CCT6A: variants seen among roughly 807,000 people sequenced by gnomAD.
CCT6A encodes the protein chaperonin containing TCP1 subunit 6A, also known as T-complex protein 1 subunit zeta.
In CCT6A, 6 loss-of-function variants were observed where a neutral mutation model predicts 58.6. The ratio of observed to expected loss-of-function variants is 0.10; its 90% CI spans 0.06 to 0.20. CCT6A has a LOEUF of 0.20. CCT6A is among the 10% of genes least tolerant of loss of function. CCT6A has a pLI of 1.00. For synonymous variants in CCT6A, 245 were observed against 227.8 expected (o/e 1.08, Z -0.68); for missense variants, 516 against 648.8 (o/e 0.80, Z 2.22).
At chr7:56,053,773 T>G (rs1168793304) in intron 2 of CCT6A, among the ~76,000 whole-genome samples, 3 of 151,962 alleles carry the variant, frequency 2.0e-5, no homozygotes, top group Admixed American at 6.6e-5. Context: ...AAACAAAAAA[T>G]TATTTGGGTT....
At position 56,063,056 on chromosome 7, in the gene CCT6A, C is replaced by G; in HGVS notation, c.1567C>G (p.Arg523Gly). 1 of 1,612,014 alleles carries G rather than the reference C, an allele frequency of 6.2e-7. No homozygotes were observed. The highest frequency in any genetic ancestry group is 8.5e-7 in the Non-Finnish European group (1 of 1,178,114). ...TNILLVDEIMRAGMSSLKG is the reference protein window; with the variant it reads ...TNILLVDEIMGAGMSSLKG ...CATTCTCTTGGTTGATGAGATCATG[C>G]GAGCTGGAATGTCTTCTCTGAAAGG... The change falls in exon 14 of 14, where the codon CGA (arginine) becomes GGA (glycine). Residue 523 changes from arginine (R) to glycine (G), a missense_variant. Transcript: ENST00000275603.
In CCT6A at chr7:56,060,885, G is replaced by A; in HGVS notation, c.1292G>A (p.Gly431Asp). ...ATTAAACATAAGCCCAGTGTAAAGG[G>A]CAGGGCACAGCTTGGAGTCCAAGCA... ...ALIKHKPSVK[G>D]RAQLGVQAFA... Residue 431 changes from glycine to aspartate, a missense_variant, in exon 11 of 14, where the codon GGC becomes GAC. Physicochemically the swap from Gly to Asp is moderately conservative, Grantham distance 94. Coordinates refer to ENST00000275603, the MANE Select transcript of CCT6A (RefSeq NM_001762.4). 1 of 1,613,722 alleles carries A rather than the reference G, an allele frequency of 6.2e-7. No individual in the cohort carries two copies. Among genetic ancestry groups the A allele is most frequent in the Non-Finnish European group, 8.5e-7 (1 of 1,179,920 alleles).
chr7:56,053,512 C>A (rs1252366634), intron 2 of CCT6A, among the ~76,000 whole-genome samples: 1 of 152,074 alleles, frequency 6.6e-6, no homozygotes, highest in Non-Finnish European at 1.5e-5. Context: ...AGCACTTTGG[C>A]AGGCCAAGGT....
At position 56,062,695 on chromosome 7, in the gene CCT6A, T is replaced by G. The variant is rs1328219459; in HGVS notation, c.1463T>G (p.Val488Gly). ...GGTTGCCTTTTAGGTGAGCCAATGG[T>G]GGCAGCAGAAGTAGGCGTATGGGAT... ...GVDLNTGEPM[V>G]AAEVGVWDNY... The change falls in exon 13 of 14, where the codon GTG (valine) becomes GGG (glycine). Residue 488 changes from valine (V) to glycine (G), a missense_variant. Physicochemically the swap from Val to Gly is moderately radical, Grantham distance 109. Around this residue, in one of 3 missense-constraint regions of CCT6A, gnomAD observed 315 missense variants for 389.4 expected, o/e 0.81. Transcript: ENST00000275603. 6.2e-7 allele frequency: 1 copy of G among 1,614,046 alleles called. No homozygotes were observed. Among genetic ancestry groups the G allele is most frequent in the Non-Finnish European group, 8.5e-7 (1 of 1,179,910 alleles).
chr7:56,056,725 T>TA (rs1021239000), intron 5 of CCT6A, among the ~76,000 whole-genome samples: 123 of 141,852 alleles, frequency 8.7e-4, no homozygotes, highest in East Asian at 1.8e-3. Context: ...CCCGTCCCAT[T>TA]AAAAAAAAAA....
intron 3 of CCT6A, among the ~76,000 whole-genome samples, chr7:56,054,722 A>G (rs13241227): frequency 0.044 from 6,640 of 152,210 alleles, 264 homozygotes; most frequent in East Asian, 0.2. Flanking sequence ...TGCATTGCCT[A>G]TGTGATTTGC....
At chr7:56,054,763 A>T (rs1171854609) in intron 3 of CCT6A, among the ~76,000 whole-genome samples, 1 of 151,936 alleles carries the variant, frequency 6.6e-6, no homozygotes, top group Non-Finnish European at 1.5e-5. Flanking sequence ...AATAATTGAG[A>T]TCTAAAAATG....
Position 56,063,092 on chromosome 7 carries a change from G to GCTTC in CCT6A, c.*10_*13dup, listed in dbSNP as rs1794508271. The GCTTC allele has an allele frequency of 6.3e-7, 1 of 1,576,548 alleles. No homozygotes were observed. Among genetic ancestry groups the GCTTC allele is most frequent in the African/African-American group, 1.3e-5 (1 of 74,182 alleles). ...GTCTTCTCTGAAAGGTTGAATTGAA[G>GCTTC]CTTCCTCTGTATCTGAATCTTGAAG... On this transcript the variant is annotated 3_prime_UTR_variant, in exon 14 of 14. Transcript: ENST00000275603.
intron 11 of CCT6A, 107 bp downstream of exon 11, chr7:56,061,047 C>T (rs1794420900): frequency 3.1e-6 from 4 of 1,280,978 alleles, no homozygotes; most frequent in African/African-American, 3.0e-5. Context: ...CAAGTTTGAT[C>T]AGTTTTCTTT....
chr7:56,062,401 T>G (rs1341005483), intron 12 of CCT6A, among the ~76,000 whole-genome samples: 1 of 152,210 alleles, frequency 6.6e-6, no homozygotes, highest in Non-Finnish European at 1.5e-5. Context: ...GATCAGTCCA[T>G]TTTAGTCAGA....
intron 9 of CCT6A, 102 bp downstream of exon 9, chr7:56,059,742 G>GAGAC: frequency 1.5e-6 from 1 of 650,970 alleles, no homozygotes; most frequent in South Asian, 1.7e-5. Flanking sequence ...GGGCTGGAGT[G>GAGAC]CAGTGGTGTG....
At chr7:56,054,601 C>A in intron 3 of CCT6A, 98 bp downstream of exon 3, 1 of 1,207,210 alleles carries the variant, frequency 8.3e-7, no homozygotes, top group Admixed American at 2.1e-5. Flanking sequence ...TGAGGTCATA[C>A]AGTAGAATTA....
rs1015091404 is a variant in CCT6A at position 56,051,806 on chromosome 7, C to T, written c.-43C>T. The T allele has an allele frequency of 1.5e-5, 23 of 1,543,078 alleles. No individual in the cohort carries two copies. The highest frequency in any genetic ancestry group is 1.8e-5 in the Non-Finnish European group (21 of 1,144,310). The stretch of plus-strand genomic sequence containing the variant: ...TCCTCCCGGCCACGCCGCGCCGGCT[C>T]TGGGCACTCAGCATCGTTTCCTTTT... On this transcript the variant is annotated 5_prime_UTR_variant, in exon 1 of 14. Transcript: ENST00000275603.
chr7:56,059,528 T>A lies in CCT6A; in HGVS notation c.969-16T>A. On this transcript the variant is annotated splice_polypyrimidine_tract_variant and intron_variant, in intron 8 of 13. Transcript: ENST00000275603. The stretch of plus-strand genomic sequence containing the variant: ...GGTAACGTTGCTTATCCATCTCCCT[T>A]AAAATGCTATTTCAGGCTGACTCTT... 1 of 1,467,038 alleles carries A rather than the reference T, an allele frequency of 6.8e-7. No individual in the cohort carries two copies. The highest frequency in any genetic ancestry group is 9.6e-7 in the Non-Finnish European group (1 of 1,045,902). 90.9% of individuals were successfully genotyped at this position (1,467,038 alleles called of 1,614,324 possible). A position where few individuals can be genotyped will look rare whatever the true frequency, so the allele number is the denominator to read the frequency against.
At chr7:56,054,191 G>T (rs774930104) in intron 2 of CCT6A, among the ~76,000 whole-genome samples, 178 bp from the exon 3 acceptor site, 4 of 152,204 alleles carry the variant, frequency 2.6e-5, no homozygotes, top group Non-Finnish European at 5.9e-5. Flanking sequence ...TACACATGAA[G>T]ACGTTTCAAT....
At position 56,060,322 on chromosome 7, in the gene CCT6A, A is replaced by G. The variant is rs1794405931; in HGVS notation, c.1119A>G (p.Thr373=). The G allele has an allele frequency of 6.2e-7, 1 of 1,613,996 alleles. No homozygotes were observed. The highest frequency in any genetic ancestry group is 8.5e-7 in the Non-Finnish European group (1 of 1,179,836). ...AATGTAACAACCCTCGTTCTGTCAC[A>G]TTATTGATCAAAGGACCAAATAAGC... ...IEKCNNPRSV[T]LLIKGPNKHT... The change falls in exon 10 of 14, where the codon ACA becomes ACG. Residue 373 remains threonine, a synonymous_variant. Coordinates refer to ENST00000275603, the MANE Select transcript of CCT6A (RefSeq NM_001762.4).
rs1794093050 is a variant in CCT6A, at chr7:56,051,932, G to C, written c.84G>C (p.Arg28=). 1 of 1,549,590 alleles carries C rather than the reference G, an allele frequency of 6.5e-7. No homozygotes were observed. ...AALAVNISAA[R]GLQDVLRTNL... ...TGGCGGTCAACATCAGCGCAGCGCG[G>C]GGTCTGCAGGACGTGCTAAGGACCA... Residue 28 remains arginine (R), a synonymous_variant, in exon 1 of 14, where the codon CGG becomes CGC. Coordinates refer to ENST00000275603, the MANE Select transcript of CCT6A (RefSeq NM_001762.4).
At chr7:56,059,220 C>CA (rs1794379939) in intron 8 of CCT6A, among the ~76,000 whole-genome samples, 1 of 151,922 alleles carries the variant, frequency 6.6e-6, no homozygotes. Flanking sequence ...AGGCTGGTCT[C>CA]AAACTCCTGG....
intron 11 of CCT6A, 94 bp from the exon 12 acceptor site, chr7:56,061,653 T>C (rs1191641708): frequency 2.8e-6 from 2 of 719,890 alleles, no homozygotes; most frequent in African/African-American, 2.0e-5. Flanking sequence ...GGCCGAGATT[T>C]TCTTTTTCTT....
Sources: gnomAD v4.1 joint callset for allele counts (sites outside exome capture counted in the v4.1 genomes callset) on GRCh38, gnomAD v4.1.1 for gene constraint, gnomAD v4.1.1 regional missense constraint, MANE v1.5 for transcripts, NCBI Gene and HGNC (gene_info 2026-07-23, HGNC 2026-07-21) for gene names.